The following ZMIZ1 variants were observed in gnomAD, a reference collection of about 807,000 sequenced individuals.
ZMIZ1 encodes the protein zinc finger MIZ domain-containing protein 1.
Under a neutral mutation model 113.9 loss-of-function variants are expected in ZMIZ1, and 17 were observed. That is an observed-to-expected ratio of 0.15 (90% CI 0.10 to 0.22). ZMIZ1 has a LOEUF of 0.22. Among genes scored for constraint, ZMIZ1 ranks in the 10% least tolerant of loss-of-function variants. The probability of loss-of-function intolerance (pLI) is 1.00; values close to 1 mark genes in which losing one functional copy is unlikely to be tolerated. For synonymous variants in ZMIZ1, 607 were observed against 603.1 expected, an observed-to-expected ratio of 1.01 and a Z score of -0.09; for missense variants, 1,059 against 1,477.8, an observed-to-expected ratio of 0.72 and a Z score of 4.65.
At chr10:79,307,290 C>T (rs761486145) in intron 22 of ZMIZ1, 115 bp from the exon 23 acceptor site, 4 of 1,084,486 alleles carry the variant, frequency 3.7e-6, no homozygotes. Flanking sequence ...TGACCTACTA[C>T]AGCCTCGCAA....
At chr10:79,247,094 G>A (rs762520835) in intron 7 of ZMIZ1, among the ~76,000 whole-genome samples, 3 of 152,314 alleles carry the variant, frequency 2.0e-5, no homozygotes, top group Admixed American at 1.3e-4. Flanking sequence ...CCTTGCTGCC[G>A]CCTCCAGCTC....
rs200555361 is a variant in ZMIZ1 at position 79,296,491 on chromosome 10, A to G, written c.1251A>G (p.Gln417=). Reference sequence around the variant, plus strand: ...CACAGCCCAACTATGGAAACCAGCAATATGGACCAAACAGCCAGTTCCCCA... The same window carrying G: ...CACAGCCCAACTATGGAAACCAGCAGTATGGACCAAACAGCCAGTTCCCCA... ...YPGEPNYGNQ[Q]YGPNSQFPTQ... The change falls in exon 13 of 25, where the codon CAA becomes CAG. Residue 417 remains glutamine (Q), a synonymous_variant. Transcript: ENST00000334512. This position sits in a 1 kb window ranked among gnomAD's most constrained non-coding sequence, Gnocchi z 4.1. 7.9e-5 allele frequency: 128 copies of G among 1,613,940 alleles called. No individual in the cohort carries two copies. Among genetic ancestry groups the G allele is most frequent in the Non-Finnish European group, 2.3e-5 (27 of 1,179,950 alleles).
chr10:79,177,837 A>G (rs1256994410), intron 4 of ZMIZ1, among the ~76,000 whole-genome samples: 4 of 152,238 alleles, frequency 2.6e-5, no homozygotes, highest in African/African-American at 7.2e-5. Context: ...AAGGAAGAAA[A>G]ATAAAACTGC....
At position 79,231,847 on chromosome 10, in the gene ZMIZ1, G is replaced by T. The variant is rs550591661; in HGVS notation, c.280+15573G>T. ...CCTGCCTCAGCCTCCCAAAGTGCTG[G>T]GATTACAGGCATGAGCCACCGTGCC... On this transcript the variant is annotated intron_variant, in intron 7 of 24. Coordinates refer to ENST00000334512, the MANE Select transcript of ZMIZ1 (RefSeq NM_020338.4). Among the ~76,000 whole-genome samples the T allele has an allele frequency of 4.7e-4, 71 of 152,338 alleles. 1 individual carries two copies. The highest frequency in any genetic ancestry group is 1.7e-3 in the African/African-American group (69 of 41,582).
Position 79,297,648 on chromosome 10 carries a change from G to A in ZMIZ1, c.1449G>A (p.Ser483=), listed in dbSNP as rs374912247. 97 of 1,613,950 alleles carry A rather than the reference G, an allele frequency of 6.0e-5. No homozygotes were observed. Among genetic ancestry groups the A allele is most frequent in the Non-Finnish European group, 7.0e-5 (83 of 1,179,982 alleles). ...TTAATGGACAAAATAACACGTTCTC[G>A]GGAAGCAGCTACAGTAACTACAGCC... ...EQFNGQNNTF[S]GSSYSNYSQG... Residue 483 remains serine, a synonymous_variant, in exon 14 of 25, where the codon TCG becomes TCA. Coordinates refer to ENST00000334512, the MANE Select transcript of ZMIZ1 (RefSeq NM_020338.4).
Position 79,314,064 on chromosome 10 carries a change from T to C in ZMIZ1, c.*1315T>C, listed in dbSNP as rs1202368419. On this transcript the variant is annotated 3_prime_UTR_variant, in exon 25 of 25. Coordinates refer to ENST00000334512, the MANE Select transcript of ZMIZ1 (RefSeq NM_020338.4). ...CAGACACTGCCCTTGGCTGCCAGCCTACCCTGCCTGCACTCCTCCACCATC... is the reference window on the plus strand; with the variant it reads ...CAGACACTGCCCTTGGCTGCCAGCCCACCCTGCCTGCACTCCTCCACCATC... 2.2e-6 allele frequency: 1 copy of C among 456,822 alleles called. No individual in the cohort carries two copies. 28.3% of individuals were successfully genotyped at this position (456,822 alleles called of 1,614,324 possible).
chr10:79,283,635 T>C (rs770502584), intron 8 of ZMIZ1, among the ~76,000 whole-genome samples: 1 of 152,098 alleles, frequency 6.6e-6, no homozygotes, highest in Non-Finnish European at 1.5e-5. Flanking sequence ...CCCAAGAACA[T>C]TTTAAAAACA....
chr10:79,122,674 G>C (rs150571272), intron 2 of ZMIZ1, among the ~76,000 whole-genome samples: 2 of 152,104 alleles, frequency 1.3e-5, no homozygotes, highest in Non-Finnish European at 2.9e-5. Context: ...TACAGTGTGC[G>C]AAGTCCTTTC....
intron 4 of ZMIZ1, among the ~76,000 whole-genome samples, chr10:79,184,064 T>G (rs1286392419): frequency 6.6e-6 from 1 of 152,142 alleles, no homozygotes; most frequent in Non-Finnish European, 1.5e-5. Flanking sequence ...CTCGGTGCCT[T>G]GAGGTGGGAT....
At chr10:79,252,912 T>C (rs993729536) in intron 7 of ZMIZ1, among the ~76,000 whole-genome samples, 6 of 152,220 alleles carry the variant, frequency 3.9e-5, no homozygotes, top group Non-Finnish European at 5.9e-5. Context: ...CTCAAGTTTG[T>C]ATGGTGAGCA....
Position 79,091,207 on chromosome 10 carries a change from T to C in ZMIZ1, c.-337+21937T>C, listed in dbSNP as rs543233314. 4.6e-5 allele frequency among the ~76,000 whole-genome samples: 7 copies of C among 152,314 alleles called. No individual in the cohort carries two copies. The East Asian group carries it at 1.4e-3, about 29-fold the overall frequency. On this transcript the variant is annotated intron_variant, in intron 1 of 24. Coordinates refer to ENST00000334512, the MANE Select transcript of ZMIZ1 (RefSeq NM_020338.4). ...CTGTTCAAGCCACCATGATGTGCAA[T>C]GGCAGCTGCCTCTTTTTTTTAACTT... is the stretch of plus-strand genomic sequence containing the variant.
At chr10:79,298,007 G>T (rs1854023071) in intron 14 of ZMIZ1, among the ~76,000 whole-genome samples, 1 of 152,152 alleles carries the variant, frequency 6.6e-6, no homozygotes, top group Admixed American at 6.5e-5. Flanking sequence ...AGGCATAGAG[G>T]GTGTGGCCTT....
chr10:79,207,199 G>A (rs1193310234), intron 5 of ZMIZ1, among the ~76,000 whole-genome samples: 1 of 152,180 alleles, frequency 6.6e-6, no homozygotes. Flanking sequence ...CGAATGGAGG[G>A]ACTGCCCTGG....
chr10:79,244,564 A>G (rs1252434450), intron 7 of ZMIZ1, among the ~76,000 whole-genome samples: 1 of 152,198 alleles, frequency 6.6e-6, no homozygotes, highest in African/African-American at 2.4e-5. Flanking sequence ...GGAGACTGTC[A>G]TTCCTGCAGT....
chr10:79,111,533 G>T (rs937867523), intron 1 of ZMIZ1, among the ~76,000 whole-genome samples: 1 of 152,226 alleles, frequency 6.6e-6, no homozygotes, highest in African/African-American at 2.4e-5. Context: ...TGGCCAGGGG[G>T]TGTGGGTGAC....
chr10:79,302,816 C>G (rs1005412951), intron 18 of ZMIZ1, among the ~76,000 whole-genome samples: 3 of 150,986 alleles, frequency 2.0e-5, no homozygotes, highest in African/African-American at 7.3e-5. Flanking sequence ...GCCTCAGCCT[C>G]CCAAGGAGTT....
intron 7 of ZMIZ1, among the ~76,000 whole-genome samples, chr10:79,238,373 C>T (rs911495636): frequency 6.6e-6 from 1 of 152,168 alleles, no homozygotes; most frequent in Non-Finnish European, 1.5e-5. Context: ...CTGGAGGATA[C>T]GCCCAGGAAG....
chr10:79,154,105 C>A (rs1333182019), intron 3 of ZMIZ1, among the ~76,000 whole-genome samples: 1 of 152,156 alleles, frequency 6.6e-6, no homozygotes, highest in African/African-American at 2.4e-5. Flanking sequence ...TGCAGTTAGC[C>A]CCAGATGAGG....
chr10:79,070,478 G>A (rs1842228451), intron 1 of ZMIZ1, among the ~76,000 whole-genome samples: 1 of 143,166 alleles, frequency 7.0e-6, no homozygotes, highest in Non-Finnish European at 1.5e-5. Context: ...GACACTCCAG[G>A]AATGTAAACA....
Sources: allele counts gnomAD v4.1 joint callset (sites outside exome capture counted in the v4.1 genomes callset), GRCh38; gene constraint gnomAD v4.1.1; non-coding constraint Gnocchi (gnomAD v3.1); transcripts MANE v1.5; gene names NCBI Gene and HGNC (gene_info 2026-07-23, HGNC 2026-07-21).